TGFBR3: variants seen among roughly 807,000 people sequenced by gnomAD.
The protein encoded by TGFBR3 is transforming growth factor beta receptor type 3.
TGFBR3 carries 46 observed loss-of-function variants against 87.9 expected under a neutral mutation model. That is an observed-to-expected ratio of 0.52 (90% CI 0.41 to 0.67). The LOEUF (loss-of-function observed/expected upper bound fraction) is 0.67, where lower values mean the gene tolerates loss of function less well. Ranked by LOEUF, TGFBR3 falls within the 30% of genes least tolerant of loss-of-function variation. TGFBR3 has a pLI of 0.00. For synonymous variants in TGFBR3, 381 were observed against 391.6 expected (o/e 0.97, Z 0.32); for missense variants, 866 against 1,041.9 (o/e 0.83, Z 2.32).
At chr1:91,707,964 T>C (rs1671851243) in intron 14 of TGFBR3, among the ~76,000 whole-genome samples, 1 of 152,218 alleles carries the variant, frequency 6.6e-6, no homozygotes, top group African/African-American at 2.4e-5. Flanking sequence ...TCTGCCTCTC[T>C]ACTGCTCTGG....
At chr1:91,717,097 A>C (rs1455706035) in intron 10 of TGFBR3, among the ~76,000 whole-genome samples, 1 of 152,230 alleles carries the variant, frequency 6.6e-6, no homozygotes, top group African/African-American at 2.4e-5. Context: ...AAGAGTCTTT[A>C]TATTATAAAC....
rs900312532 is a variant in TGFBR3 at position 91,705,752 on chromosome 1, C to T, written c.2287+2911G>A. Among the ~76,000 whole-genome samples the T allele has an allele frequency of 1.1e-4, 17 of 152,274 alleles. 1 individual carries two copies. The highest frequency in any genetic ancestry group is 4.4e-5 in the Non-Finnish European group (3 of 68,004). On this transcript the variant is annotated intron_variant, in intron 14 of 16. Coordinates refer to ENST00000212355, the MANE Select transcript of TGFBR3 (RefSeq NM_003243.5). ...CTGGGAAGCTGGCCTACAGTTTAACCGCCTCAATTTATTTAACAAACCTAA... is the reference window on the plus strand; with the variant it reads ...CTGGGAAGCTGGCCTACAGTTTAACTGCCTCAATTTATTTAACAAACCTAA...
intron 2 of TGFBR3, among the ~76,000 whole-genome samples, chr1:91,848,916 T>C (rs2101137062): frequency 6.6e-6 from 1 of 152,348 alleles, no homozygotes; most frequent in East Asian, 1.9e-4. Context: ...GGAGGTTGTT[T>C]TGTGTTTTAA....
chr1:91,727,658 C>A lies in TGFBR3; in HGVS notation c.885+1G>T. 2.5e-6 allele frequency: 4 copies of A among 1,614,104 alleles called. No individual in the cohort carries two copies. The highest frequency in any genetic ancestry group is 2.5e-6 in the Non-Finnish European group (3 of 1,179,980). ...ACAAAAGACATGCTCCACCAACTTACAATAATTTTCAGGCTTCCCTTAACA... is the reference window on the plus strand; with the variant it reads ...ACAAAAGACATGCTCCACCAACTTAAAATAATTTTCAGGCTTCCCTTAACA... On this transcript the variant is annotated splice_donor_variant, in intron 7 of 16. Transcript: ENST00000212355. LOFTEE classifies it high-confidence loss of function.
chr1:91,856,161 C>T (rs1181070320), intron 2 of TGFBR3, among the ~76,000 whole-genome samples: 2 of 152,176 alleles, frequency 1.3e-5, no homozygotes, highest in Non-Finnish European at 2.9e-5. Context: ...CTCCCGGGTT[C>T]ACACCATTCT....
chr1:91,735,417 T>C (rs566032926), intron 4 of TGFBR3, among the ~76,000 whole-genome samples: 1 of 152,338 alleles, frequency 6.6e-6, no homozygotes, highest in South Asian at 2.1e-4. Context: ...AGTTGCAGCA[T>C]CTGCCAACAG....
chr1:91,842,950 C>T (rs912867451), intron 2 of TGFBR3, among the ~76,000 whole-genome samples: 1 of 152,186 alleles, frequency 6.6e-6, no homozygotes. Flanking sequence ...CCTCTCCCAA[C>T]TCCATCACTC....
chr1:91,778,716 C>T (rs1674659439), intron 3 of TGFBR3, among the ~76,000 whole-genome samples: 1 of 152,172 alleles, frequency 6.6e-6, no homozygotes, highest in Admixed American at 6.5e-5. Context: ...GTAGTGGGCA[C>T]TGTTCTAATT....
At chr1:91,851,945 C>T (rs919184828) in intron 2 of TGFBR3, among the ~76,000 whole-genome samples, 6 of 152,202 alleles carry the variant, frequency 3.9e-5, no homozygotes, top group South Asian at 2.1e-4. Context: ...TATTAGTAAA[C>T]TCTCCTTGAA....
At chr1:91,878,572 G>A (rs1037090373) in intron 1 of TGFBR3, among the ~76,000 whole-genome samples, 4 of 152,162 alleles carry the variant, frequency 2.6e-5, no homozygotes, top group Non-Finnish European at 4.4e-5. Flanking sequence ...CCCATTTGAT[G>A]TTCTCACCTA....
intron 2 of TGFBR3, among the ~76,000 whole-genome samples, chr1:91,836,105 G>A (rs947349886): frequency 6.6e-6 from 1 of 151,998 alleles, no homozygotes; most frequent in African/African-American, 2.4e-5. Flanking sequence ...AAATTAGCCA[G>A]GCGTGGTGGT....
intron 3 of TGFBR3, among the ~76,000 whole-genome samples, chr1:91,796,914 G>A (rs1285418409): frequency 6.6e-6 from 1 of 151,100 alleles, no homozygotes; most frequent in African/African-American, 2.4e-5. Context: ...ATTTTTAGTA[G>A]AGATGAGGTC....
Position 91,734,916 on chromosome 1 carries a change from G to A in TGFBR3, c.428C>T (p.Ser143Phe). ...CCTTTCTTCTGTTTCTGCTGTCAAGGAGAAGTTTGCTGATGAAAACTGGAC... is the reference window on the plus strand; with the variant it reads ...CCTTTCTTCTGTTTCTGCTGTCAAGAAGAAGTTTGCTGATGAAAACTGGAC... The part of the protein sequence containing the change: ...SVVQFSSANF[S>F]LTAETEERNF... Residue 143 changes from serine to phenylalanine, a missense_variant, in exon 5 of 17, where the codon TCC becomes TTC. By Grantham distance (155) the Ser-to-Phe change is radical (BLOSUM62 -2). Transcript: ENST00000212355. 6.2e-7 allele frequency: 1 copy of A among 1,614,174 alleles called. No homozygotes were observed. The highest frequency in any genetic ancestry group is 1.1e-5 in the South Asian group (1 of 91,090).
chr1:91,826,387 C>T (rs531321583), intron 2 of TGFBR3, among the ~76,000 whole-genome samples: 2 of 152,220 alleles, frequency 1.3e-5, no homozygotes, highest in South Asian at 2.1e-4. Flanking sequence ...AGTAGGAGGC[C>T]GCTGTGGTGA....
intron 16 of TGFBR3, among the ~76,000 whole-genome samples, chr1:91,688,284 G>T (rs1671156837): frequency 1.3e-5 from 2 of 152,008 alleles, no homozygotes; most frequent in South Asian, 2.1e-4. Flanking sequence ...CTGCCTTTGT[G>T]GCCCCTGAAT....
chr1:91,729,150 T>TACACATACACACAC (rs1672661429), intron 6 of TGFBR3, among the ~76,000 whole-genome samples: 1 of 66,856 alleles, frequency 1.5e-5, no homozygotes, highest in Non-Finnish European at 2.9e-5. Flanking sequence ...CACTCCAGCA[T>TACACATACACACAC]ACACACACAC....
chr1:91,850,780 CAAAAAAAAAAA>C (rs61025683), intron 2 of TGFBR3, among the ~76,000 whole-genome samples: 12 of 58,432 alleles, frequency 2.1e-4, no homozygotes, highest in Admixed American at 7.9e-4. Flanking sequence ...GACCCTGTCT[CAAAAAAAAAAA>C]AAAAAAAAAA....
chr1:91,899,032 A>C (rs747679215), intron 2 of TGFBR3, among the ~76,000 whole-genome samples: 8 of 152,180 alleles, frequency 5.3e-5, no homozygotes, highest in Non-Finnish European at 1.0e-4. Context: ...CAGTTTCTAG[A>C]CAGAGCAAAT....
At chr1:91,852,801 T>C (rs1677789599) in intron 2 of TGFBR3, among the ~76,000 whole-genome samples, 1 of 152,186 alleles carries the variant, frequency 6.6e-6, no homozygotes, top group South Asian at 2.1e-4. Context: ...TGGTATCACA[T>C]TTGACAATAT....
Sources: allele counts gnomAD v4.1 joint callset (sites outside exome capture counted in the v4.1 genomes callset), GRCh38; gene constraint gnomAD v4.1.1; transcripts MANE v1.5; gene names NCBI Gene and HGNC (gene_info 2026-07-23, HGNC 2026-07-21).